MYO18B: variants seen among roughly 807,000 people sequenced by gnomAD.
MYO18B encodes the protein unconventional myosin-XVIIIb.
A neutral mutation model predicts 273.0 loss-of-function variants in MYO18B; 204 were observed. The ratio of observed to expected loss-of-function variants is 0.75; its 90% confidence interval spans 0.67 to 0.84. MYO18B has a LOEUF of 0.84. MYO18B is among the 40% of genes least tolerant of loss of function. The probability of loss-of-function intolerance (pLI) is 0.00; values close to 1 mark genes in which losing one functional copy is unlikely to be tolerated. For missense variants in MYO18B, 3,212 were observed against 3,287.6 expected, an observed-to-expected ratio of 0.98 and a Z score of 0.56; for synonymous variants, 1,330 against 1,305.7, an observed-to-expected ratio of 1.02 and a Z score of -0.40.
intron 42 of MYO18B, among the ~76,000 whole-genome samples, chr22:26,017,326 A>G (rs1027896496): frequency 7.0e-5 from 10 of 143,724 alleles, no homozygotes; most frequent in African/African-American, 2.6e-4. Context: ...TCTATGTTTA[A>G]ACACATTTTC....
intron 17 of MYO18B, among the ~76,000 whole-genome samples, chr22:25,836,259 TA>T (rs2145956260): frequency 1.3e-5 from 2 of 152,312 alleles, no homozygotes; most frequent in South Asian, 4.2e-4. Context: ...CTCGTAGTCT[TA>T]GTTGATGTGC....
At position 25,787,272 on chromosome 22, in the gene MYO18B, G is replaced by GCGCACACACACACA. The variant is rs1482737296; in HGVS notation, c.2376+1782_2376+1783insGCACACACACACAC. Among the ~76,000 whole-genome samples, 56 of 136,710 alleles carry GCGCACACACACACA rather than the reference G, an allele frequency of 4.1e-4. 2 individuals carry two copies. In the South Asian group the frequency reaches 0.015, roughly 37 times the overall value. 89.7% of individuals were successfully genotyped at this position (136,710 alleles called of 152,430 possible). On this transcript the variant is annotated intron_variant, in intron 11 of 43. Transcript: ENST00000335473. Reference sequence around the variant, plus strand: ...TAAGCCTGTGTGCGTGCAGGCGCGCGCACACACACACACACACACACACAC... The same window carrying GCGCACACACACACA: ...TAAGCCTGTGTGCGTGCAGGCGCGCGCGCACACACACACACACACACACACACACACACACACAC...
chr22:25,951,403 A>T (rs535106486), intron 37 of MYO18B, among the ~76,000 whole-genome samples: 1 of 152,358 alleles, frequency 6.6e-6, no homozygotes, highest in Admixed American at 6.5e-5. Context: ...CCTTAGACAG[A>T]CACATGCACA....
At chr22:25,948,278 C>T (rs192151854) in intron 36 of MYO18B, among the ~76,000 whole-genome samples, 28 of 152,186 alleles carry the variant, frequency 1.8e-4, no homozygotes, top group East Asian at 7.8e-4. Flanking sequence ...GTCATCCATC[C>T]ATCTTTCCAT....
intron 27 of MYO18B, chr22:25,892,707 C>G (rs567284697): frequency 6.6e-6 from 1 of 152,172 alleles, no homozygotes; most frequent in Admixed American, 6.5e-5. Context: ...CTGGCTACCC[C>G]CGTGGCAGGC....
chr22:26,043,928 A>G, the MYO18B span, among the ~76,000 whole-genome samples: 1 of 152,122 alleles, frequency 6.6e-6, no homozygotes, highest in Non-Finnish European at 1.5e-5. Context: ...ACCTGGCTTT[A>G]CTGTGCCCTT....
chr22:25,885,394 G>GA (rs1264259279), intron 25 of MYO18B, among the ~76,000 whole-genome samples: 4 of 152,172 alleles, frequency 2.6e-5, no homozygotes, highest in Non-Finnish European at 5.9e-5. Flanking sequence ...GGGAAATGGG[G>GA]TCAGGGAGGG....
At chr22:25,845,740 G>A (rs1348943699) in intron 18 of MYO18B, among the ~76,000 whole-genome samples, 1 of 152,226 alleles carries the variant, frequency 6.6e-6, no homozygotes, top group Non-Finnish European at 1.5e-5. Flanking sequence ...GCTAGGCCTG[G>A]TCTAGGAATA....
chr22:25,844,850 A>G (rs2090187945), intron 18 of MYO18B, among the ~76,000 whole-genome samples: 1 of 152,164 alleles, frequency 6.6e-6, no homozygotes, highest in Admixed American at 6.5e-5. Context: ...ATGATGACCC[A>G]GGTGGCACAG....
chr22:25,941,669 A>C (rs1029092608), intron 34 of MYO18B, among the ~76,000 whole-genome samples: 6 of 152,234 alleles, frequency 3.9e-5, no homozygotes, highest in Non-Finnish European at 5.9e-5. Context: ...CTGCTCCCTA[A>C]AGTGCAATAA....
At chr22:25,750,695 G>A (rs1318430836) in intron 1 of MYO18B, among the ~76,000 whole-genome samples, 2 of 152,208 alleles carry the variant, frequency 1.3e-5, no homozygotes, top group East Asian at 3.8e-4. Flanking sequence ...GAACCAAATA[G>A]TGACCTAAGC....
intron 12 of MYO18B, among the ~76,000 whole-genome samples, chr22:25,821,053 C>T (rs2089259686): frequency 6.6e-6 from 1 of 152,174 alleles, no homozygotes; most frequent in Non-Finnish European, 1.5e-5. Flanking sequence ...ATATATACCA[C>T]ATTTTCTTTA....
At chr22:26,031,643 C>T (rs532978513), downstream of MYO18B, among the ~76,000 whole-genome samples, 3 of 152,280 alleles carry the variant, frequency 2.0e-5, no homozygotes, top group East Asian at 1.9e-4. Flanking sequence ...AGTGGGCACA[C>T]GATTCAACCC....
chr22:25,894,795 A>G (rs66813444), intron 27 of MYO18B: 2,216 of 165,998 alleles, frequency 0.013, 16 homozygotes, highest in East Asian at 0.034. Context: ...GAGGGTGTGA[A>G]GGACTCACAG....
intron 1 of MYO18B, among the ~76,000 whole-genome samples, chr22:25,744,182 C>A (rs749719403): frequency 1.3e-5 from 2 of 152,154 alleles, no homozygotes; most frequent in Non-Finnish European, 2.9e-5. Context: ...GTCTAACTAT[C>A]GCAAAGATTT....
chr22:25,914,278 A>C (rs895265460), intron 33 of MYO18B, among the ~76,000 whole-genome samples: 3 of 152,254 alleles, frequency 2.0e-5, no homozygotes, highest in African/African-American at 7.2e-5. Flanking sequence ...TTCTACAACA[A>C]AACCTGATGT....
At chr22:25,936,776 A>G (rs1445500869) in intron 34 of MYO18B, among the ~76,000 whole-genome samples, 1 of 152,094 alleles carries the variant, frequency 6.6e-6, no homozygotes, top group Non-Finnish European at 1.5e-5. Flanking sequence ...AGACAGACAA[A>G]TGCCTTCTCT....
chr22:26,029,838 G>GT (rs1164566930), intron 43 of MYO18B, among the ~76,000 whole-genome samples: 3 of 152,114 alleles, frequency 2.0e-5, no homozygotes, highest in African/African-American at 7.2e-5. Context: ...ACTACCTAAA[G>GT]TAACGCTGTG....
chr22:25,840,991 G>A (rs1228752425), intron 17 of MYO18B, among the ~76,000 whole-genome samples: 1 of 152,208 alleles, frequency 6.6e-6, no homozygotes, highest in Non-Finnish European at 1.5e-5. Flanking sequence ...TTTCTGGTTG[G>A]CTCTGAGTTA....
Sources: gnomAD v4.1 joint callset for allele counts (sites outside exome capture counted in the v4.1 genomes callset) on GRCh38, gnomAD v4.1.1 for gene constraint, MANE v1.5 for transcripts, NCBI Gene and HGNC (gene_info 2026-07-23, HGNC 2026-07-21) for gene names.